KHDRBS2: variants seen among roughly 807,000 people sequenced by gnomAD.
KHDRBS2 encodes KH RNA binding domain containing, signal transduction associated 2.
In KHDRBS2, 26 loss-of-function variants were observed where a neutral mutation model predicts 44.3. That is an observed-to-expected ratio of 0.59 (90% CI 0.43 to 0.81). KHDRBS2 has a LOEUF of 0.81. Among genes scored for constraint, KHDRBS2 ranks in the 40% least tolerant of loss-of-function variants. The probability of loss-of-function intolerance (pLI) is 0.00; values close to 1 mark genes in which losing one functional copy is unlikely to be tolerated. For synonymous variants in KHDRBS2, 194 were observed against 151.1 expected (o/e 1.28, Z -2.08); for missense variants, 476 against 433.1 (o/e 1.10, Z -0.88).
At chr6:61,753,545 AGGATCTTTTGT>A (rs1436680605) in intron 6 of KHDRBS2, among the ~76,000 whole-genome samples, 1 of 152,202 alleles carries the variant, frequency 6.6e-6, no homozygotes, top group African/African-American at 2.4e-5. Context: ...GTTAATCAAT[AGGATCTTTTGT>A]GGATCTTTTG....
chr6:62,088,234 C>T (rs1798786737), intron 2 of KHDRBS2, among the ~76,000 whole-genome samples: 1 of 152,092 alleles, frequency 6.6e-6, no homozygotes, highest in African/African-American at 2.4e-5. Context: ...CAGTTTTGTT[C>T]CCTTGCTGGT....
intron 1 of KHDRBS2, among the ~76,000 whole-genome samples, chr6:62,192,280 T>C (rs1824787742): frequency 6.6e-6 from 1 of 152,134 alleles, no homozygotes; most frequent in Non-Finnish European, 1.5e-5. Context: ...ATTGCATTTA[T>C]TTCCAGAACA....
intron 4 of KHDRBS2, among the ~76,000 whole-genome samples, chr6:61,922,926 A>C (rs990750032): frequency 1.1e-4 from 17 of 152,172 alleles, no homozygotes; most frequent in Non-Finnish European, 4.4e-5. Context: ...GCGAAGAAGC[A>C]GTAAAATATG....
chr6:61,929,879 C>G (rs371077379), intron 4 of KHDRBS2, among the ~76,000 whole-genome samples: 47 of 152,244 alleles, frequency 3.1e-4, no homozygotes, highest in African/African-American at 1.1e-3. Flanking sequence ...GTCTCCTCAT[C>G]CATTAAATAC....
intron 6 of KHDRBS2, among the ~76,000 whole-genome samples, chr6:61,802,841 A>T (rs1786498682): frequency 6.6e-6 from 1 of 152,142 alleles, no homozygotes; most frequent in Middle Eastern, 3.2e-3. Context: ...AGGGTCACAG[A>T]GGAGAAACTT....
chr6:61,696,980 G>A (rs977578408), intron 8 of KHDRBS2, among the ~76,000 whole-genome samples: 4 of 152,098 alleles, frequency 2.6e-5, no homozygotes, highest in African/African-American at 9.7e-5. Flanking sequence ...AATGATTTAT[G>A]ATTGTGATTA....
chr6:62,207,212 T>A (rs1415973527), intron 1 of KHDRBS2, among the ~76,000 whole-genome samples: 1 of 152,066 alleles, frequency 6.6e-6, no homozygotes, highest in African/African-American at 2.4e-5. Flanking sequence ...GAAAAAAGTG[T>A]AAAGATTCTG....
intron 3 of KHDRBS2, among the ~76,000 whole-genome samples, chr6:62,018,714 G>A (rs569221387): frequency 6.6e-6 from 1 of 152,262 alleles, no homozygotes; most frequent in East Asian, 1.9e-4. Flanking sequence ...ACATAAGACT[G>A]AGTAGACAAG....
chr6:62,001,770 A>G (rs1260477554), intron 3 of KHDRBS2, among the ~76,000 whole-genome samples: 1 of 152,142 alleles, frequency 6.6e-6, no homozygotes, highest in Non-Finnish European at 1.5e-5. Context: ...CAGAAGTTGA[A>G]CCAAAATGAC....
At chr6:62,069,957 A>G (rs1794600255) in intron 2 of KHDRBS2, among the ~76,000 whole-genome samples, 2 of 151,640 alleles carry the variant, frequency 1.3e-5, no homozygotes, top group African/African-American at 4.8e-5. Context: ...TTCTCTGGAT[A>G]AGGTCATTCC....
the KHDRBS2 span, among the ~76,000 whole-genome samples, chr6:61,628,499 T>C: frequency 2.0e-5 from 3 of 152,148 alleles, no homozygotes; most frequent in African/African-American, 7.2e-5. Context: ...TTCAACCTTA[T>C]CTTCTCTTCC....
chr6:61,731,021 G>A (rs1774356041), intron 7 of KHDRBS2, among the ~76,000 whole-genome samples: 2 of 151,906 alleles, frequency 1.3e-5, no homozygotes, highest in East Asian at 1.9e-4. Context: ...GCTCTACAGA[G>A]CTGCATCAAG....
At chr6:61,954,446 T>A (rs530571561) in intron 4 of KHDRBS2, among the ~76,000 whole-genome samples, 4 of 146,378 alleles carry the variant, frequency 2.7e-5, no homozygotes, top group Admixed American at 1.4e-4. Context: ...CATACATATA[T>A]ACGTATGTAT....
intron 6 of KHDRBS2, among the ~76,000 whole-genome samples, chr6:61,842,662 G>C (rs1793757469): frequency 6.6e-6 from 1 of 152,108 alleles, no homozygotes; most frequent in Admixed American, 6.6e-5. Flanking sequence ...TAGTGCAGCT[G>C]CTTTATGAAA....
intron 2 of KHDRBS2, among the ~76,000 whole-genome samples, chr6:62,089,999 T>C (rs1799199684): frequency 6.6e-6 from 1 of 151,932 alleles, no homozygotes; most frequent in African/African-American, 2.4e-5. Context: ...CAGGCGAAAA[T>C]GATTCTCACA....
the KHDRBS2 span, among the ~76,000 whole-genome samples, chr6:61,572,811 A>G: frequency 6.6e-6 from 1 of 152,182 alleles, no homozygotes; most frequent in East Asian, 1.9e-4. Flanking sequence ...CACAGAAGGG[A>G]CATACCTCAA....
At chr6:61,812,794 C>T (rs550996827) in intron 6 of KHDRBS2, among the ~76,000 whole-genome samples, 2 of 151,882 alleles carry the variant, frequency 1.3e-5, no homozygotes, top group South Asian at 4.2e-4. Flanking sequence ...GATAATAAAC[C>T]ATAGTCTGAG....
intron 6 of KHDRBS2, among the ~76,000 whole-genome samples, chr6:61,780,806 T>C (rs1233460625): frequency 1.2e-5 from 1 of 85,068 alleles, no homozygotes; most frequent in African/African-American, 6.5e-5. Flanking sequence ...CTACCCACTG[T>C]TGCTATGTGA....
the KHDRBS2 span, among the ~76,000 whole-genome samples, chr6:61,557,771 G>A: frequency 6.6e-6 from 1 of 152,048 alleles, no homozygotes; most frequent in South Asian, 2.1e-4. Flanking sequence ...TTGGGTCCTG[G>A]GCTTTCCTTT....
Sources: gnomAD v4.1 joint callset for allele counts (sites outside exome capture counted in the v4.1 genomes callset) on GRCh38, gnomAD v4.1.1 for gene constraint, MANE v1.5 for transcripts, NCBI Gene and HGNC (gene_info 2026-07-23, HGNC 2026-07-21) for gene names.